Variants in GRM1 observed in about 807,000 individuals in gnomAD.
GRM1 encodes the protein metabotropic glutamate receptor 1.
Under a neutral mutation model 90.9 loss-of-function variants are expected in GRM1, and 33 were observed. That is an observed-to-expected ratio of 0.36 (90% CI 0.28 to 0.49). The LOEUF is 0.49. GRM1 is among the 20% of genes least tolerant of loss of function. The pLI, the probability that GRM1 is intolerant of heterozygous loss-of-function variation, is 0.99. For synonymous variants in GRM1, 700 were observed against 613.2 expected (o/e 1.14, Z -2.09); for missense variants, 1,190 against 1,534.3 (o/e 0.78, Z 3.75).
At chr6:146,036,763 T>G (rs1350725322) in intron 1 of GRM1, among the ~76,000 whole-genome samples, 3 of 151,938 alleles carry the variant, frequency 2.0e-5, no homozygotes, top group Non-Finnish European at 4.4e-5. Context: ...AGCCTTAATT[T>G]GTAGTAGAAG....
intron 1 of GRM1, among the ~76,000 whole-genome samples, chr6:146,117,007 A>T (rs1775774684): frequency 6.6e-6 from 1 of 151,758 alleles, no homozygotes; most frequent in African/African-American, 2.4e-5. Flanking sequence ...ATCTGGAAGA[A>T]GTTTGACAAT....
chr6:146,266,268 G>A (rs992570914), intron 2 of GRM1, among the ~76,000 whole-genome samples: 1 of 151,986 alleles, frequency 6.6e-6, no homozygotes, highest in African/African-American at 2.4e-5. Context: ...AGCATGAAAT[G>A]AGCAAATAAT....
At position 146,299,400 on chromosome 6, in the gene GRM1, G is replaced by A. The variant is rs551108089; in HGVS notation, c.951-5211G>A. On this transcript the variant is annotated intron_variant, in intron 2 of 7. Coordinates refer to ENST00000282753, the MANE Select transcript of GRM1 (RefSeq NM_001278064.2). ...TATTTTGCATTAAAAAAAATGTTCT[G>A]GAACTAGTTCTGGGAGGAAGTTAAA... Among the ~76,000 whole-genome samples, 28 of 145,720 alleles carry A rather than the reference G, an allele frequency of 1.9e-4. No homozygotes were observed. In the East Asian group the frequency reaches 3.9e-3, roughly 20 times the overall value.
At chr6:146,290,890 G>A (rs1286114615) in intron 2 of GRM1, among the ~76,000 whole-genome samples, 5 of 151,996 alleles carry the variant, frequency 3.3e-5, no homozygotes, top group Non-Finnish European at 7.4e-5. Context: ...AGACTTTTGG[G>A]GATGTTGGGA....
chr6:146,140,924 G>A (rs9497457), intron 1 of GRM1, among the ~76,000 whole-genome samples: 16,375 of 152,046 alleles, frequency 0.11, 1,826 homozygotes, highest in African/African-American at 0.28. Flanking sequence ...CCATTACAGT[G>A]CTACAATATT....
intron 1 of GRM1, among the ~76,000 whole-genome samples, chr6:146,052,546 T>C (rs1157886888): frequency 6.6e-6 from 1 of 151,848 alleles, no homozygotes; most frequent in South Asian, 2.1e-4. Context: ...GTCTGCCTAG[T>C]ATCATCTGGT....
intron 1 of GRM1, among the ~76,000 whole-genome samples, chr6:146,143,970 G>A (rs1046181330): frequency 6.6e-6 from 1 of 152,200 alleles, no homozygotes; most frequent in Non-Finnish European, 1.5e-5. Context: ...CTCTCATTCT[G>A]AAAATTTTAT....
At chr6:146,209,651 A>G (rs1458216220) in intron 2 of GRM1, among the ~76,000 whole-genome samples, 1 of 152,132 alleles carries the variant, frequency 6.6e-6, no homozygotes, top group Non-Finnish European at 1.5e-5. Flanking sequence ...GGAAGGGTAT[A>G]TTTCATTCAT....
chr6:146,113,969 C>A (rs570504185), intron 1 of GRM1, among the ~76,000 whole-genome samples: 3 of 152,178 alleles, frequency 2.0e-5, no homozygotes, highest in African/African-American at 7.2e-5. Context: ...TTGAACTGAG[C>A]CATGTACTCC....
At chr6:146,051,070 A>G (rs538758570) in intron 1 of GRM1, among the ~76,000 whole-genome samples, 1 of 152,118 alleles carries the variant, frequency 6.6e-6, no homozygotes, top group Admixed American at 6.5e-5. Context: ...TCTGGGTATG[A>G]AGGAGGGGGA....
At chr6:146,315,768 G>A (rs1376361818) in intron 3 of GRM1, among the ~76,000 whole-genome samples, 2 of 152,174 alleles carry the variant, frequency 1.3e-5, no homozygotes, top group African/African-American at 2.4e-5. Context: ...CAAGTTGAGA[G>A]CCTGCTAAGG....
At chr6:146,264,300 A>G (rs764616298) in intron 2 of GRM1, among the ~76,000 whole-genome samples, 1 of 152,162 alleles carries the variant, frequency 6.6e-6, no homozygotes, top group Non-Finnish European at 1.5e-5. Flanking sequence ...AGTTATAGAT[A>G]TGAAAATGGT....
chr6:146,349,689 T>A (rs1417901460), intron 3 of GRM1, among the ~76,000 whole-genome samples: 1 of 152,214 alleles, frequency 6.6e-6, no homozygotes, highest in Non-Finnish European at 1.5e-5. Context: ...TCAGGTATTC[T>A]TGTATGTTTT....
chr6:146,308,828 G>T (rs550629418), intron 3 of GRM1, among the ~76,000 whole-genome samples: 1 of 151,784 alleles, frequency 6.6e-6, no homozygotes, highest in Admixed American at 6.6e-5. Context: ...TTTATATATT[G>T]CTGTATTAAA....
intron 1 of GRM1, among the ~76,000 whole-genome samples, chr6:146,031,130 A>AT (rs1394453001): frequency 6.6e-6 from 1 of 152,130 alleles, no homozygotes; most frequent in South Asian, 2.1e-4. Context: ...ATTTTCAAAA[A>AT]TTTTTTATAT....
intron 2 of GRM1, among the ~76,000 whole-genome samples, chr6:146,186,385 G>C (rs369866173): frequency 6.6e-6 from 1 of 152,082 alleles, no homozygotes; most frequent in Non-Finnish European, 1.5e-5. Flanking sequence ...CTGGAAATCA[G>C]TTGTCTCTGT....
intron 2 of GRM1, among the ~76,000 whole-genome samples, chr6:146,202,543 T>A (rs1562526428): frequency 6.6e-6 from 1 of 152,194 alleles, no homozygotes; most frequent in Non-Finnish European, 1.5e-5. Flanking sequence ...CTTAACACGA[T>A]GGAGGTTTCT....
Position 146,114,535 on chromosome 6 carries a change from A to G in GRM1, c.701-44813A>G, listed in dbSNP as rs182944822. Among the ~76,000 whole-genome samples, 7 of 152,306 alleles carry G rather than the reference A, an allele frequency of 4.6e-5. No homozygotes were observed. The East Asian group carries it at 1.3e-3, about 29-fold the overall frequency. ...AATAAATAATAGTTGTAGAATGATT[A>G]TGAAAATTAAGATGCCTTCACTCAG... On this transcript the variant is annotated intron_variant, in intron 1 of 7. Transcript: ENST00000282753.
chr6:146,258,338 TC>T (rs1212004466), intron 2 of GRM1, among the ~76,000 whole-genome samples: 2 of 152,152 alleles, frequency 1.3e-5, no homozygotes, highest in African/African-American at 2.4e-5. Context: ...ATTTTAAAAA[TC>T]CTAAATGCAA....
Sources: allele counts gnomAD v4.1 joint callset (sites outside exome capture counted in the v4.1 genomes callset), GRCh38; gene constraint gnomAD v4.1.1; transcripts MANE v1.5; gene names NCBI Gene and HGNC (gene_info 2026-07-23, HGNC 2026-07-21).